Variants in KIAA0825 observed in about 807,000 individuals in gnomAD.
KIAA0825 encodes the protein uncharacterized protein KIAA0825.
A neutral mutation model predicts 147.6 loss-of-function variants in KIAA0825; 119 were observed. The ratio of observed to expected loss-of-function variants is 0.81; its 90% CI spans 0.69 to 0.94. The LOEUF is 0.94. Among genes scored for constraint, KIAA0825 ranks in the 40% least tolerant of loss-of-function variants. KIAA0825 has a pLI of 0.00. For missense variants in KIAA0825, 1,381 were observed against 1,472.7 expected, an observed-to-expected ratio of 0.94 and a Z score of 1.02; for synonymous variants, 470 against 518.1, an observed-to-expected ratio of 0.91 and a Z score of 1.26.
At chr5:94,609,598 T>C (rs1365790042) in intron 1 of KIAA0825, among the ~76,000 whole-genome samples, 6 of 152,154 alleles carry the variant, frequency 3.9e-5, no homozygotes, top group Admixed American at 3.9e-4. Flanking sequence ...CCTAGAAAGA[T>C]AATTACCAAG....
chr5:94,156,586 T>C (rs1457698324), intron 20 of KIAA0825, among the ~76,000 whole-genome samples: 1 of 152,224 alleles, frequency 6.6e-6, no homozygotes, highest in African/African-American at 2.4e-5. Flanking sequence ...ATTAATGTAA[T>C]TTAAATGAAT....
At chr5:94,533,986 T>C (rs890396988) in intron 3 of KIAA0825, among the ~76,000 whole-genome samples, 1 of 152,190 alleles carries the variant, frequency 6.6e-6, no homozygotes, top group African/African-American at 2.4e-5. Context: ...AACCTGATGA[T>C]ATTAAGAAGA....
chr5:94,480,209 T>C (rs1300307010), intron 6 of KIAA0825, among the ~76,000 whole-genome samples: 1 of 152,040 alleles, frequency 6.6e-6, no homozygotes, highest in African/African-American at 2.4e-5. Flanking sequence ...AATGAATAAC[T>C]GGTTAAATTA....
intron 1 of KIAA0825, among the ~76,000 whole-genome samples, chr5:94,610,467 A>G (rs535962899): frequency 4.7e-5 from 7 of 150,090 alleles, no homozygotes; most frequent in South Asian, 2.1e-4. Flanking sequence ...AGAAAAAAGA[A>G]AAGTCATGAC....
chr5:94,577,960 C>T (rs1032373640), intron 2 of KIAA0825, among the ~76,000 whole-genome samples: 21 of 152,186 alleles, frequency 1.4e-4, no homozygotes, highest in Non-Finnish European at 2.9e-5. Context: ...TTGCACTAAA[C>T]TTAACTGGTT....
intron 20 of KIAA0825, among the ~76,000 whole-genome samples, chr5:94,209,337 C>T (rs1477912282): frequency 6.6e-6 from 1 of 152,166 alleles, no homozygotes; most frequent in Non-Finnish European, 1.5e-5. Flanking sequence ...AATCTCTATT[C>T]TACCAAAAAC....
chr5:94,289,751 A>G (rs982243427), intron 20 of KIAA0825, among the ~76,000 whole-genome samples: 3 of 152,006 alleles, frequency 2.0e-5, no homozygotes, highest in Non-Finnish European at 4.4e-5. Context: ...TTGTTGAAAA[A>G]TATTCAGGCC....
At chr5:94,430,116 G>T (rs1415429316) in intron 14 of KIAA0825, among the ~76,000 whole-genome samples, 1 of 152,134 alleles carries the variant, frequency 6.6e-6, no homozygotes, top group Non-Finnish European at 1.5e-5. Flanking sequence ...TACTCTGAAA[G>T]CCTGGAGATC....
intron 20 of KIAA0825, among the ~76,000 whole-genome samples, chr5:94,328,997 G>C (rs1037292925): frequency 1.3e-5 from 2 of 151,932 alleles, no homozygotes; most frequent in African/African-American, 2.4e-5. Context: ...CAGATTTCTA[G>C]GTGGTTATGG....
At position 94,583,452 on chromosome 5, in the gene KIAA0825, G is replaced by C. The variant is rs527753724; in HGVS notation, c.-152-869C>G. 2.0e-5 allele frequency among the ~76,000 whole-genome samples: 3 copies of C among 152,300 alleles called. No individual in the cohort carries two copies. In the East Asian group the frequency reaches 5.8e-4, roughly 29 times the overall value. On this transcript the variant is annotated intron_variant, in intron 1 of 20. Transcript: ENST00000682413. ...CTGGGATGCTGGAGCTTGGCAGTGG[G>C]AAGGGTGTCAGCCATTGTTCAGGCT... is the stretch of plus-strand genomic sequence containing the variant.
intron 7 of KIAA0825, among the ~76,000 whole-genome samples, chr5:94,474,618 C>T (rs1489533901): frequency 6.6e-6 from 1 of 152,032 alleles, no homozygotes; most frequent in Non-Finnish European, 1.5e-5. Flanking sequence ...TTCACATATA[C>T]TGTACAAAGT....
chr5:94,263,445 T>G (rs1034195404), intron 20 of KIAA0825, among the ~76,000 whole-genome samples: 1 of 152,170 alleles, frequency 6.6e-6, no homozygotes, highest in Non-Finnish European at 1.5e-5. Context: ...CAGAACAGGA[T>G]TCATGTGTTT....
chr5:94,158,372 C>T (rs1358259959), intron 20 of KIAA0825, among the ~76,000 whole-genome samples: 2 of 152,012 alleles, frequency 1.3e-5, no homozygotes, highest in Non-Finnish European at 2.9e-5. Context: ...AATGATAGTT[C>T]TTAACTGGGG....
At chr5:94,233,052 G>A (rs898456167) in intron 20 of KIAA0825, among the ~76,000 whole-genome samples, 3 of 152,104 alleles carry the variant, frequency 2.0e-5, no homozygotes, top group African/African-American at 4.8e-5. Context: ...ACATTTTTTA[G>A]TACTGAAGAA....
intron 20 of KIAA0825, among the ~76,000 whole-genome samples, chr5:94,269,402 G>A (rs921160549): frequency 4.6e-5 from 7 of 152,090 alleles, no homozygotes; most frequent in Admixed American, 4.6e-4. Flanking sequence ...ATAACAAATG[G>A]CAGGAGTAAG....
chr5:94,200,761 CAAAG>C (rs1243744266), intron 20 of KIAA0825, among the ~76,000 whole-genome samples: 1 of 151,712 alleles, frequency 6.6e-6, no homozygotes, highest in Non-Finnish European at 1.5e-5. Flanking sequence ...AACCAATTCA[CAAAG>C]AAAGACAACT....
intron 20 of KIAA0825, among the ~76,000 whole-genome samples, chr5:94,173,212 T>C (rs988967097): frequency 6.8e-6 from 1 of 146,712 alleles, no homozygotes; most frequent in African/African-American, 2.8e-5. Context: ...GCAAATACCA[T>C]AGGAAACTAG....
intron 3 of KIAA0825, among the ~76,000 whole-genome samples, chr5:94,529,315 T>TATATATGTATATATC (rs1770166187): frequency 1.4e-4 from 20 of 141,548 alleles, no homozygotes; most frequent in East Asian, 5.9e-4. Context: ...GTATATATCA[T>TATATATGTATATATC]ATATATGTAT....
At chr5:94,212,677 T>C (rs2150047201) in intron 20 of KIAA0825, among the ~76,000 whole-genome samples, 1 of 152,302 alleles carries the variant, frequency 6.6e-6, no homozygotes, top group African/African-American at 2.4e-5. Context: ...ATTTGTGTCA[T>C]AGCTAAGGAA....
Sources: allele counts gnomAD v4.1 joint callset (sites outside exome capture counted in the v4.1 genomes callset), GRCh38; gene constraint gnomAD v4.1.1; transcripts MANE v1.5; gene names NCBI Gene and HGNC (gene_info 2026-07-23, HGNC 2026-07-21).